The following ZNF207 variants were observed in gnomAD, a reference collection of about 807,000 sequenced individuals.
ZNF207 encodes the protein BUB3-interacting and GLEBS motif-containing protein ZNF207.
ZNF207 carries 24 observed loss-of-function variants against 60.2 expected under a neutral mutation model. The ratio of observed to expected loss-of-function variants is 0.40; its 90% CI spans 0.29 to 0.56. The LOEUF (loss-of-function observed/expected upper bound fraction) is 0.56, where lower values mean the gene tolerates loss of function less well. Among genes scored for constraint, ZNF207 ranks in the 20% least tolerant of loss-of-function variants. ZNF207 has a pLI of 0.49. For synonymous variants in ZNF207, 236 were observed against 194.7 expected (o/e 1.21, Z -1.77); for missense variants, 452 against 636.6 (o/e 0.71, Z 3.12).
chr17:32,366,749 A>G lies in ZNF207; in HGVS notation c.913A>G (p.Thr305Ala), dbSNP rs200800054. ...ATCTTCTAAAGCTCTGTTTCCTAGC[A>G]CAGCACAAGTACGCAGGAAGTTGCA... ...SASSKALFPS[T>A]AQAQAAVQGP... The change falls in exon 9 of 12, where the codon ACA (threonine) becomes GCA (alanine). Residue 305 changes from threonine to alanine, a missense_variant. Physicochemically the swap from Thr to Ala is moderately conservative, Grantham distance 58. This residue lies in a region of ZNF207 where 390 missense variants were observed against 461.4 expected (regional missense o/e 0.85). Transcript: ENST00000394670. 1.4e-5 allele frequency: 23 copies of G among 1,607,508 alleles called. No homozygotes were observed. In the East Asian group the frequency reaches 4.7e-4, roughly 33 times the overall value.
rs1433713281 is a variant in ZNF207, at chr17:32,370,485, T to C, written c.*726T>C. ...ATCATTGGATTCTGTCTTTGAGTTG[T>C]AGGTTATTTCTTAGCTGCATGTTTT... is the stretch of plus-strand genomic sequence containing the variant. On this transcript the variant is annotated 3_prime_UTR_variant, in exon 12 of 12. Transcript: ENST00000394670. 3 of 152,356 alleles carry C rather than the reference T, an allele frequency of 2.0e-5. No homozygotes were observed. The highest frequency in any genetic ancestry group is 1.3e-4 in the Admixed American group (2 of 15,288). 9.4% of individuals were successfully genotyped at this position (152,356 alleles called of 1,614,324 possible). A position where few individuals can be genotyped will look rare whatever the true frequency, so the allele number is the denominator to read the frequency against.
intron 2 of ZNF207, among the ~76,000 whole-genome samples, chr17:32,358,249 C>T (rs373689280): frequency 5.9e-5 from 9 of 152,288 alleles, no homozygotes; most frequent in African/African-American, 1.9e-4. Context: ...TTAGACATCT[C>T]GCCAAGTGTT....
intron 2 of ZNF207, among the ~76,000 whole-genome samples, chr17:32,357,451 C>T (rs1279036098): frequency 1.3e-5 from 2 of 149,454 alleles, no homozygotes; most frequent in Non-Finnish European, 1.5e-5. Context: ...CGTGTTCAAG[C>T]GATTCTTCTG....
chr17:32,375,190 A>G lies in ZNF207; in HGVS notation c.*5431A>G, dbSNP rs1212205503. On this transcript the variant is annotated 3_prime_UTR_variant, in exon 12 of 12. Coordinates refer to ENST00000394670, the MANE Select transcript of ZNF207 (RefSeq NM_001098507.2). ...AATTGTAAATTTTGACTTGTTAAAT[A>G]ACATGTTTTTCACTATAACTAATAG... The G allele has an allele frequency of 2.0e-5, 3 of 152,228 alleles. No homozygotes were observed. Among genetic ancestry groups the G allele is most frequent in the Admixed American group, 2.0e-4 (3 of 15,280 alleles). The allele number at this position is 152,228 out of a possible 1,614,324, so 9.4% of individuals were successfully genotyped here.
intron 9 of ZNF207, among the ~76,000 whole-genome samples, chr17:32,367,270 TATATATATATATATAA>T (rs1271464792): frequency 3.3e-5 from 4 of 121,680 alleles, no homozygotes; most frequent in Admixed American, 8.1e-5. Context: ...TATATATATA[TATATATATATATATAA>T]AGAATACTAC....
intron 3 of ZNF207, among the ~76,000 whole-genome samples, chr17:32,360,189 A>T (rs1334419370): frequency 1.5e-5 from 2 of 132,892 alleles, no homozygotes; most frequent in Admixed American, 7.2e-5. Context: ...CCCCCCCCAA[A>T]AAAAAAAAAA....
At chr17:32,354,365 T>G (rs2150787977) in intron 2 of ZNF207, among the ~76,000 whole-genome samples, 1 of 151,958 alleles carries the variant, frequency 6.6e-6, no homozygotes, top group South Asian at 2.1e-4. Flanking sequence ...TGAAACGGAG[T>G]TTTGCTCTGT....
intron 10 of ZNF207, 113 bp from the exon 11 acceptor site, chr17:32,369,182 A>C: frequency 8.4e-7 from 1 of 1,184,026 alleles, no homozygotes; most frequent in Non-Finnish European, 1.2e-6. Context: ...TTGGGATGTA[A>C]GGGTAAATTT....
rs566207132 is a variant in ZNF207 at position 32,370,208 on chromosome 17, T to G, written c.*449T>G. On this transcript the variant is annotated 3_prime_UTR_variant, in exon 12 of 12. Transcript: ENST00000394670. ...TAACTGTTTCCAAGTACTTGTACAT[T>G]GGAAGTCTGAATGTGTAACAATATT... is the stretch of plus-strand genomic sequence containing the variant. The G allele has an allele frequency of 6.5e-6, 1 of 153,332 alleles. No individual in the cohort carries two copies. The highest frequency in any genetic ancestry group is 1.5e-5 in the Non-Finnish European group (1 of 68,454). 9.5% of individuals were successfully genotyped at this position (153,332 alleles called of 1,614,324 possible).
intron 2 of ZNF207, among the ~76,000 whole-genome samples, chr17:32,352,444 G>A (rs2041525188): frequency 6.6e-6 from 1 of 152,034 alleles, no homozygotes; most frequent in Non-Finnish European, 1.5e-5. Context: ...GTTTGTATTT[G>A]TATTTAGTTT....
chr17:32,367,241 A>ATG (rs1567824696), intron 9 of ZNF207, among the ~76,000 whole-genome samples: 2 of 41,578 alleles, frequency 4.8e-5, no homozygotes, highest in African/African-American at 1.9e-4. Flanking sequence ...GGAGGGGATT[A>ATG]TATATATATA....
chr17:32,362,817 C>T, intron 6 of ZNF207, 97 bp from the exon 7 acceptor site: 2 of 931,614 alleles, frequency 2.1e-6, no homozygotes, highest in Non-Finnish European at 3.3e-6. Flanking sequence ...AGATTCAAGT[C>T]TTCTATCTAG....
intron 8 of ZNF207, among the ~76,000 whole-genome samples, chr17:32,366,040 G>A (rs536652317): frequency 2.6e-5 from 4 of 152,198 alleles, no homozygotes; most frequent in African/African-American, 7.2e-5. Flanking sequence ...AGATGCTTCT[G>A]TTCTATATGG....
rs1255756898 is a variant in ZNF207 at position 32,372,036 on chromosome 17, C to G, written c.*2277C>G. On this transcript the variant is annotated 3_prime_UTR_variant, in exon 12 of 12. Coordinates refer to ENST00000394670, the MANE Select transcript of ZNF207 (RefSeq NM_001098507.2). ...GTGTGATAGGCCGGGCGCAGTGGCT[C>G]ACGCCTGTAATCCCAGCACTTTGGG... The G allele has an allele frequency of 6.6e-6, 1 of 152,362 alleles. No individual in the cohort carries two copies. The highest frequency in any genetic ancestry group is 1.5e-5 in the Non-Finnish European group (1 of 68,174). The allele number at this position is 152,362 out of a possible 1,614,324, so 9.4% of individuals were successfully genotyped here. A position where few individuals can be genotyped will look rare whatever the true frequency, so the allele number is the denominator to read the frequency against.
intron 6 of ZNF207, among the ~76,000 whole-genome samples, chr17:32,361,788 A>G (rs1430732561): frequency 6.6e-6 from 1 of 152,248 alleles, no homozygotes; most frequent in African/African-American, 2.4e-5. Context: ...GTTAGTATTT[A>G]AGAAAGACTA....
intron 1 of ZNF207, 187 bp from the exon 2 acceptor site, chr17:32,351,599 G>A (rs2041508691): frequency 1.3e-6 from 2 of 1,536,352 alleles, no homozygotes; most frequent in Middle Eastern, 2.3e-4. Context: ...TGGCCTTCTA[G>A]GAAATTGAAA....
In ZNF207 at chr17:32,372,136, TAA is replaced by T. The variant is rs1905495102; in HGVS notation, c.*2381_*2382del. On this transcript the variant is annotated 3_prime_UTR_variant, in exon 12 of 12. Transcript: ENST00000394670. The stretch of plus-strand genomic sequence containing the variant: ...TAACACGGTGAAACCCCGTTTCTAC[TAA>T]AAATACAAAAAATTAGCTGGGCGTA... 6.6e-6 allele frequency: 1 copy of T among 152,272 alleles called. No individual in the cohort carries two copies. Among genetic ancestry groups the T allele is most frequent in the East Asian group, 1.9e-4 (1 of 5,202 alleles). 9.4% of individuals were successfully genotyped at this position (152,272 alleles called of 1,614,324 possible).
intron 9 of ZNF207, among the ~76,000 whole-genome samples, chr17:32,367,279 AT>A (rs1453861629): frequency 0.011 from 1,248 of 114,632 alleles, 50 homozygotes; most frequent in Middle Eastern, 0.026. Context: ...ATATATATAT[AT>A]ATATAAAGAA....
intron 2 of ZNF207, among the ~76,000 whole-genome samples, chr17:32,357,651 A>G (rs1228616740): frequency 6.7e-6 from 1 of 148,222 alleles, no homozygotes; most frequent in Non-Finnish European, 1.5e-5. Flanking sequence ...CTGACTTTTT[A>G]TTTTTTATTT....
Sources: allele counts gnomAD v4.1 joint callset (sites outside exome capture counted in the v4.1 genomes callset), GRCh38; gene constraint gnomAD v4.1.1; regional missense constraint gnomAD v4.1.1; transcripts MANE v1.5; gene names NCBI Gene and HGNC (gene_info 2026-07-23, HGNC 2026-07-21).